HIP1: variants seen among roughly 807,000 people sequenced by gnomAD.
HIP1 encodes huntingtin-interacting protein 1.
A neutral mutation model predicts 147.6 loss-of-function variants in HIP1; 65 were observed. That is an observed-to-expected ratio of 0.44 (90% CI 0.36 to 0.54). The LOEUF is 0.54. Among genes scored for constraint, HIP1 ranks in the 20% least tolerant of loss-of-function variants. The pLI, the probability that HIP1 is intolerant of heterozygous loss-of-function variation, is 0.00. For synonymous variants in HIP1, 479 were observed against 504.0 expected (o/e 0.95, Z 0.67); for missense variants, 1,061 against 1,299.6 (o/e 0.82, Z 2.82).
At chr7:75,690,171 A>G (rs1800400337) in intron 1 of HIP1, among the ~76,000 whole-genome samples, 1 of 152,060 alleles carries the variant, frequency 6.6e-6, no homozygotes, top group Non-Finnish European at 1.5e-5. Flanking sequence ...CCAGCTACTC[A>G]GGAGGCTGGG....
intron 8 of HIP1, among the ~76,000 whole-genome samples, chr7:75,571,931 C>A (rs794353): frequency 6.6e-6 from 1 of 151,962 alleles, no homozygotes; most frequent in Non-Finnish European, 1.5e-5. Flanking sequence ...TAAGAACTGG[C>A]GGGTGTGGTG....
At position 75,698,771 on chromosome 7, in the gene HIP1, G is replaced by T. The variant is rs547074791; in HGVS notation, c.120+40030C>A. Among the ~76,000 whole-genome samples the T allele has an allele frequency of 5.3e-5, 8 of 151,798 alleles. 1 individual carries two copies. Among genetic ancestry groups the T allele is most frequent in the African/African-American group, 1.9e-4 (8 of 41,374 alleles). On this transcript the variant is annotated intron_variant, in intron 1 of 30. Coordinates refer to ENST00000336926, the MANE Select transcript of HIP1 (RefSeq NM_005338.7). ...GGAGTTCAAGGCTGCAGTGAGCTAT[G>T]ATCATATCATGTACTCCAGCCTGGA...
In HIP1 at chr7:75,534,294, C is replaced by T. The variant is rs1238157641; in HGVS notation, c.*3878G>A. ...TTCCAGCCACTGGGTTAGAGGGACC[C>T]GTATTCTGGTGGGATTTTAGGGGTA... On this transcript the variant is annotated 3_prime_UTR_variant, in exon 31 of 31. Coordinates refer to ENST00000336926, the MANE Select transcript of HIP1 (RefSeq NM_005338.7). 7 of 224,072 alleles carry T rather than the reference C, an allele frequency of 3.1e-5. No individual in the cohort carries two copies. Among genetic ancestry groups the T allele is most frequent in the Admixed American group, 1.1e-4 (2 of 17,410 alleles). 13.9% of individuals were successfully genotyped at this position (224,072 alleles called of 1,614,324 possible).
At chr7:75,679,085 C>G (rs902002729) in intron 1 of HIP1, among the ~76,000 whole-genome samples, 1 of 143,330 alleles carries the variant, frequency 7.0e-6, no homozygotes, top group Non-Finnish European at 1.5e-5. Context: ...CAACCTCACA[C>G]TCTCCTCCAG....
chr7:75,579,537 C>A (rs782553267), intron 7 of HIP1, among the ~76,000 whole-genome samples: 1 of 151,984 alleles, frequency 6.6e-6, no homozygotes, highest in Non-Finnish European at 1.5e-5. Context: ...GGTGATCCGC[C>A]CCCCTTGGCC....
chr7:75,601,872 T>C (rs1796989822), intron 1 of HIP1, among the ~76,000 whole-genome samples: 1 of 152,024 alleles, frequency 6.6e-6, no homozygotes, highest in Admixed American at 6.6e-5. Context: ...GCTGGGGCTA[T>C]ACCAGGGCTT....
intron 1 of HIP1, among the ~76,000 whole-genome samples, chr7:75,657,604 G>A (rs1268633478): frequency 2.0e-5 from 3 of 150,912 alleles, no homozygotes; most frequent in Non-Finnish European, 4.4e-5. Flanking sequence ...GATGCAGCTG[G>A]AGGTTATTTT....
At chr7:75,598,856 G>A (rs1245777575) in intron 2 of HIP1, among the ~76,000 whole-genome samples, 6 of 152,142 alleles carry the variant, frequency 3.9e-5, no homozygotes, top group Non-Finnish European at 8.8e-5. Flanking sequence ...CTATGATCAC[G>A]CCATTGCACT....
At chr7:75,653,635 G>A (rs1242121141) in intron 1 of HIP1, among the ~76,000 whole-genome samples, 2 of 152,066 alleles carry the variant, frequency 1.3e-5, no homozygotes, top group Non-Finnish European at 2.9e-5. Context: ...GAGGCAGGTG[G>A]ATCACCTGAG....
intron 6 of HIP1, among the ~76,000 whole-genome samples, chr7:75,581,531 C>G (rs1191026242): frequency 6.6e-6 from 1 of 152,228 alleles, no homozygotes; most frequent in South Asian, 2.1e-4. Flanking sequence ...GTAATCCCAG[C>G]ACTTTGGGAG....
At chr7:75,688,362 G>T (rs1378844412) in intron 1 of HIP1, among the ~76,000 whole-genome samples, 1 of 151,586 alleles carries the variant, frequency 6.6e-6, no homozygotes, top group African/African-American at 2.4e-5. Context: ...GAGAGCCAAG[G>T]AAGAACGGCC....
intron 1 of HIP1, among the ~76,000 whole-genome samples, chr7:75,608,385 G>A (rs1797306441): frequency 6.6e-6 from 1 of 152,180 alleles, no homozygotes; most frequent in African/African-American, 2.4e-5. Context: ...TACGGTTGAT[G>A]AACATGCAAG....
At chr7:75,585,610 C>T (rs934204969) in intron 5 of HIP1, among the ~76,000 whole-genome samples, 3 of 152,008 alleles carry the variant, frequency 2.0e-5, no homozygotes, top group Non-Finnish European at 4.4e-5. Flanking sequence ...CCTGCTTCTT[C>T]GCCTTGCAAT....
chr7:75,728,241 A>T (rs1397963291), intron 1 of HIP1, among the ~76,000 whole-genome samples: 2 of 152,226 alleles, frequency 1.3e-5, no homozygotes, highest in East Asian at 3.8e-4. Context: ...TTTCTGATCC[A>T]AGAAAAGATG....
intron 28 of HIP1, 83 bp downstream of exon 28, chr7:75,542,767 TG>T: frequency 7.9e-7 from 1 of 1,270,152 alleles, no homozygotes; most frequent in Non-Finnish European, 1.1e-6. Context: ...CACAGTCCTG[TG>T]GGATTTGGTT....
chr7:75,721,860 G>A (rs150796202), intron 1 of HIP1, among the ~76,000 whole-genome samples: 23 of 152,352 alleles, frequency 1.5e-4, no homozygotes, highest in African/African-American at 5.3e-4. Context: ...GTCTCATAGA[G>A]AGGGAAGAGG....
intron 1 of HIP1, among the ~76,000 whole-genome samples, chr7:75,699,302 C>T (rs1800741340): frequency 6.6e-6 from 1 of 152,118 alleles, no homozygotes; most frequent in African/African-American, 2.4e-5. Flanking sequence ...CTACTACAAA[C>T]TAGTTGCTGA....
rs868992790 is a variant in HIP1 at position 75,664,006 on chromosome 7, G to A, written c.121-64759C>T. Among the ~76,000 whole-genome samples, 3 of 18,204 alleles carry A rather than the reference G, an allele frequency of 1.6e-4. 1 individual carries two copies. Among genetic ancestry groups the A allele is most frequent in the South Asian group, 3.5e-3 (2 of 570 alleles). 11.9% of individuals were successfully genotyped at this position (18,204 alleles called of 152,430 possible). ...TGTGTATATATATACACATATATGT[G>A]TATATATATACACATATATGTGTAT... On this transcript the variant is annotated intron_variant, in intron 1 of 30. Transcript: ENST00000336926.
intron 7 of HIP1, among the ~76,000 whole-genome samples, chr7:75,576,710 G>C (rs1431174906): frequency 2.0e-5 from 3 of 151,958 alleles, no homozygotes; most frequent in African/African-American, 7.3e-5. Flanking sequence ...CTCCGTTTCA[G>C]AGAAAACAAA....
Sources: allele counts gnomAD v4.1 joint callset (sites outside exome capture counted in the v4.1 genomes callset), GRCh38; gene constraint gnomAD v4.1.1; transcripts MANE v1.5; gene names NCBI Gene and HGNC (gene_info 2026-07-23, HGNC 2026-07-21).